Variants in LNX2 observed in about 807,000 individuals in gnomAD.
LNX2 encodes ligand of numb-protein X 2.
In LNX2, 35 loss-of-function variants were observed where a neutral mutation model predicts 66.2. The ratio of observed to expected loss-of-function variants is 0.53; its 90% CI spans 0.40 to 0.70. The LOEUF is 0.70. Ranked by LOEUF, LNX2 falls within the 30% of genes least tolerant of loss-of-function variation. The pLI, the probability that LNX2 is intolerant of heterozygous loss-of-function variation, is 0.00. For synonymous variants in LNX2, 337 were observed against 315.6 expected, an observed-to-expected ratio of 1.07 and a Z score of -0.72; for missense variants, 791 against 850.8, an observed-to-expected ratio of 0.93 and a Z score of 0.87.
chr13:27,553,161 C>T (rs772220545), intron 8 of LNX2, 47 bp downstream of exon 8: 29 of 1,503,770 alleles, frequency 1.9e-5, no homozygotes, highest in Non-Finnish European at 2.7e-5. Context: ...ATAAGGGCTG[C>T]AAGCATGATT....
intron 1 of LNX2, among the ~76,000 whole-genome samples, chr13:27,584,944 C>G (rs1434730735): frequency 1.3e-5 from 2 of 151,022 alleles, no homozygotes; most frequent in African/African-American, 4.9e-5. Context: ...ATGGTGAAAC[C>G]TCATTGCTAC....
chr13:27,581,466 C>G lies in LNX2; in HGVS notation c.238G>C (p.Glu80Gln), dbSNP rs745631193. ...CGGTCCAACGGACAGAAATCTTTCT[C>G]TTGTAAAAAGTTTCTGAGGCACTTG... The part of the protein sequence containing the change: ...CYKCLRNFLQ[E>Q]KDFCPLDRKR... The change falls in exon 2 of 10, where the codon GAG becomes CAG. Residue 80 changes from glutamate to glutamine, a missense_variant. Transcript: ENST00000316334. The G allele has an allele frequency of 1.2e-5, 19 of 1,611,024 alleles. No homozygotes were observed. The highest frequency in any genetic ancestry group is 1.6e-5 in the Non-Finnish European group (19 of 1,177,806).
chr13:27,581,118 T>G (rs931416339), intron 2 of LNX2, among the ~76,000 whole-genome samples, 179 bp downstream of exon 2: 3 of 152,230 alleles, frequency 2.0e-5, no homozygotes, highest in Non-Finnish European at 4.4e-5. Flanking sequence ...GTATTCATGT[T>G]TTTGATAAAT....
rs185359651 is a variant in LNX2, at chr13:27,588,252, A to C, written c.-100-6449T>G. Among the ~76,000 whole-genome samples, 11 of 152,332 alleles carry C rather than the reference A, an allele frequency of 7.2e-5. No individual in the cohort carries two copies. The East Asian group carries it at 2.1e-3, about 29-fold the overall frequency. ...AGCAACTTTTATTTGTAGTAGCCAGAAACTACAAAACAACTCAGATGTACT... is the reference window on the plus strand; with the variant it reads ...AGCAACTTTTATTTGTAGTAGCCAGCAACTACAAAACAACTCAGATGTACT... On this transcript the variant is annotated intron_variant, in intron 1 of 9. Transcript: ENST00000316334.
chr13:27,612,990 A>C (rs560744884), intron 1 of LNX2, among the ~76,000 whole-genome samples: 6 of 152,322 alleles, frequency 3.9e-5, no homozygotes, highest in African/African-American at 1.4e-4. Context: ...CAGAGCACTC[A>C]GTAGGAGCTA....
intron 1 of LNX2, among the ~76,000 whole-genome samples, chr13:27,613,932 A>G (rs1199510943): frequency 6.6e-6 from 1 of 152,228 alleles, no homozygotes; most frequent in African/African-American, 2.4e-5. Flanking sequence ...TACTTGTTAA[A>G]TACAACTAAA....
At chr13:27,607,026 T>TA (rs1464802541) in intron 1 of LNX2, among the ~76,000 whole-genome samples, 2 of 152,226 alleles carry the variant, frequency 1.3e-5, no homozygotes, top group African/African-American at 2.4e-5. Context: ...AACACAAATC[T>TA]AAATATTAAT....
At chr13:27,555,473 A>G (rs958769195) in intron 7 of LNX2, among the ~76,000 whole-genome samples, 1 of 152,160 alleles carries the variant, frequency 6.6e-6, no homozygotes, top group Non-Finnish European at 1.5e-5. Flanking sequence ...TTGTAGCACA[A>G]AAGTTTGCAG....
At chr13:27,555,267 A>G (rs1251143854) in intron 7 of LNX2, among the ~76,000 whole-genome samples, 1 of 152,194 alleles carries the variant, frequency 6.6e-6, no homozygotes, top group Non-Finnish European at 1.5e-5. Context: ...TTTTCATGGG[A>G]AAACTGGCCA....
chr13:27,557,674 C>T (rs906951770), intron 6 of LNX2, among the ~76,000 whole-genome samples: 4 of 152,052 alleles, frequency 2.6e-5, no homozygotes, highest in Non-Finnish European at 5.9e-5. Context: ...TATCAAATCT[C>T]TAAATCAGGG....
chr13:27,617,066 A>G (rs924700845), intron 1 of LNX2, among the ~76,000 whole-genome samples: 3 of 152,174 alleles, frequency 2.0e-5, no homozygotes, highest in Non-Finnish European at 4.4e-5. Context: ...CCTCTTAATA[A>G]CTTCTTAGAA....
At chr13:27,605,368 T>C (rs1432767243) in intron 1 of LNX2, among the ~76,000 whole-genome samples, 1 of 152,130 alleles carries the variant, frequency 6.6e-6, no homozygotes, top group Non-Finnish European at 1.5e-5. Flanking sequence ...TTCCACTGAG[T>C]TTCTATTGAA....
chr13:27,557,625 T>A (rs57407742), intron 6 of LNX2, among the ~76,000 whole-genome samples: 2,430 of 152,118 alleles, frequency 0.016, 75 homozygotes, highest in African/African-American at 0.056. Context: ...TAAATCACAT[T>A]AGAGAATTGA....
In LNX2 at chr13:27,556,239, T is replaced by A; in HGVS notation, c.1543A>T (p.Arg515Ter). Residue 515 changes from arginine (R) to a stop codon, truncating the protein, a stop_gained, in exon 7 of 10, where the codon AGA (arginine) becomes TGA (stop). Transcript: ENST00000316334. LOFTEE classifies it high-confidence loss of function. Reference sequence around the variant, plus strand: ...ATTTTTCAAGATCCCATCTTACCTCTCTTTATTCTGCCATCTCGTGCAAGG... The same window carrying A: ...ATTTTTCAAGATCCCATCTTACCTCACTTTATTCTGCCATCTCGTGCAAGG... ...GCLARDGRIK[R>*]GDVLLNINGI... 1 of 1,613,044 alleles carries A rather than the reference T, an allele frequency of 6.2e-7. No individual in the cohort carries two copies.
rs144420848 is a variant in LNX2, at chr13:27,562,457, C to T, written c.1180G>A (p.Asp394Asn). The change falls in exon 5 of 10, where the codon GAC (aspartate) becomes AAC (asparagine). Residue 394 changes from aspartate (D) to asparagine (N), a missense_variant. By Grantham distance (23) the Asp-to-Asn change is conservative (BLOSUM62 1). Transcript: ENST00000316334. Reference sequence around the variant, plus strand: ...AGCTCCGGAGTTCCATACTTCAGGTCGTGCCCATTGATGGCCAGCACTCGG... The same window carrying T: ...AGCTCCGGAGTTCCATACTTCAGGTTGTGCCCATTGATGGCCAGCACTCGG... ...NDRVLAINGH[D>N]LKYGTPELAA... The T allele has an allele frequency of 7.7e-4, 1,245 of 1,613,998 alleles. 3 individuals carry two copies. Among genetic ancestry groups the T allele is most frequent in the Non-Finnish European group, 1.0e-3 (1,183 of 1,180,002 alleles).
intron 1 of LNX2, among the ~76,000 whole-genome samples, chr13:27,611,738 C>G (rs1197259444): frequency 6.6e-6 from 1 of 152,108 alleles, no homozygotes; most frequent in African/African-American, 2.4e-5. Context: ...GATTTCAGTA[C>G]TTAATATGGG....
chr13:27,554,322 T>C (rs1172654985), intron 7 of LNX2, among the ~76,000 whole-genome samples: 1 of 152,192 alleles, frequency 6.6e-6, no homozygotes, highest in Admixed American at 6.5e-5. Flanking sequence ...AATTTTATGG[T>C]TTTAATATAT....
intron 8 of LNX2, 92 bp downstream of exon 8, chr13:27,553,116 T>C (rs77529740): frequency 4.8e-6 from 5 of 1,032,292 alleles, no homozygotes; most frequent in South Asian, 1.5e-5. Flanking sequence ...CTTTTTTTTT[T>C]ATCCCAACGA....
At chr13:27,585,468 A>C (rs903239371) in intron 1 of LNX2, among the ~76,000 whole-genome samples, 5 of 150,756 alleles carry the variant, frequency 3.3e-5, no homozygotes, top group African/African-American at 1.2e-4. Context: ...AAAAATAATA[A>C]AAAAAAATAC....
Sources: allele counts gnomAD v4.1 joint callset (sites outside exome capture counted in the v4.1 genomes callset), GRCh38; gene constraint gnomAD v4.1.1; transcripts MANE v1.5; gene names NCBI Gene and HGNC (gene_info 2026-07-23, HGNC 2026-07-21).